The following TMEM200A variants were observed in gnomAD, a reference collection of about 807,000 sequenced individuals.
TMEM200A encodes the protein transmembrane protein 200A.
TMEM200A carries 12 observed loss-of-function variants against 24.3 expected under a neutral mutation model. The ratio of observed to expected loss-of-function variants is 0.49; its 90% CI spans 0.32 to 0.80. The LOEUF is 0.80. TMEM200A is among the 30% of genes least tolerant of loss of function. The pLI, the probability that TMEM200A is intolerant of heterozygous loss-of-function variation, is 0.04. For synonymous variants in TMEM200A, 224 were observed against 224.4 expected (o/e 1.00, Z 0.02); for missense variants, 545 against 614.4 (o/e 0.89, Z 1.19).
rs114711616 is a variant in TMEM200A, at chr6:130,402,950, A to G, written c.-17+17714A>G. Among the ~76,000 whole-genome samples the G allele has an allele frequency of 3.8e-3, 581 of 152,104 alleles. 4 individuals carry two copies. Among genetic ancestry groups the G allele is most frequent in the African/African-American group, 0.014 (569 of 41,548 alleles). The stretch of plus-strand genomic sequence containing the variant: ...GAGTCCATCTCCATCTCTTTTCTTT[A>G]TGCCCCCATATCACTTTTAACTGCA... On this transcript the variant is annotated intron_variant, in intron 2 of 2. Transcript: ENST00000296978.
chr6:130,395,222 T>C (rs1009196096), intron 2 of TMEM200A, among the ~76,000 whole-genome samples: 1 of 152,100 alleles, frequency 6.6e-6, no homozygotes, highest in Non-Finnish European at 1.5e-5. Context: ...GCCATACTGG[T>C]TGGATTGCTT....
intron 1 of TMEM200A, among the ~76,000 whole-genome samples, chr6:130,367,737 A>G (rs757091956): frequency 6.6e-6 from 1 of 152,256 alleles, no homozygotes; most frequent in Non-Finnish European, 1.5e-5. Flanking sequence ...TAATGCTTCC[A>G]TTAAGTGGAA....
chr6:130,443,014 G>C lies in TMEM200A; in HGVS notation c.*1116G>C, dbSNP rs1304190611. 2 of 166,754 alleles carry C rather than the reference G, an allele frequency of 1.2e-5. No individual in the cohort carries two copies. Among genetic ancestry groups the C allele is most frequent in the African/African-American group, 4.8e-5 (2 of 41,376 alleles). The allele number at this position is 166,754 out of a possible 1,614,324, so 10.3% of individuals were successfully genotyped here. On this transcript the variant is annotated 3_prime_UTR_variant, in exon 3 of 3. Coordinates refer to ENST00000296978, the MANE Select transcript of TMEM200A (RefSeq NM_001258277.2). ...TATAATACATGTTGTTTAGGATTGTGTTTCTTAGTCACTGAAGATAATAAA... is the reference window on the plus strand; with the variant it reads ...TATAATACATGTTGTTTAGGATTGTCTTTCTTAGTCACTGAAGATAATAAA...
chr6:130,440,417 C>A lies in TMEM200A; in HGVS notation c.-6C>A. On this transcript the variant is annotated 5_prime_UTR_variant, in exon 3 of 3. Coordinates refer to ENST00000296978, the MANE Select transcript of TMEM200A (RefSeq NM_001258277.2). Reference sequence around the variant, plus strand: ...TTTTTTCTTCTTCAGAGTAAAAGGCCAAGCTATGATAGCAACTGGTGGAGT... The same window carrying A: ...TTTTTTCTTCTTCAGAGTAAAAGGCAAAGCTATGATAGCAACTGGTGGAGT... 2 of 1,538,534 alleles carry A rather than the reference C, an allele frequency of 1.3e-6. No individual in the cohort carries two copies. Among genetic ancestry groups the A allele is most frequent in the South Asian group, 1.3e-5 (1 of 78,660 alleles).
At position 130,441,585 on chromosome 6, in the gene TMEM200A, T is replaced by C; in HGVS notation, c.1163T>C (p.Leu388Ser). The change falls in exon 3 of 3, where the codon TTG becomes TCG. Residue 388 changes from leucine to serine, a missense_variant. Leu to Ser is a moderately radical substitution (Grantham distance 145). Coordinates refer to ENST00000296978, the MANE Select transcript of TMEM200A (RefSeq NM_001258277.2). ...ARRQFGSNTS[L>S]HLLSSHSKSL... Reference sequence around the variant, plus strand: ...AGACAGTTTGGGTCCAATACATCCTTGCATTTGCTCTCGTCACACTCAAAG... The same window carrying C: ...AGACAGTTTGGGTCCAATACATCCTCGCATTTGCTCTCGTCACACTCAAAG... 1 of 1,614,054 alleles carries C rather than the reference T, an allele frequency of 6.2e-7. No individual in the cohort carries two copies. The highest frequency in any genetic ancestry group is 8.5e-7 in the Non-Finnish European group (1 of 1,179,998).
intron 1 of TMEM200A, among the ~76,000 whole-genome samples, chr6:130,368,726 T>C (rs545364427): frequency 6.6e-6 from 1 of 152,230 alleles, no homozygotes; most frequent in Non-Finnish European, 1.5e-5. Context: ...GTACCACAGA[T>C]CACCTGGCAG....
At chr6:130,438,657 T>C (rs1780079242) in intron 2 of TMEM200A, 1 of 152,242 alleles carries the variant, frequency 6.6e-6, no homozygotes, top group Admixed American at 6.5e-5. Flanking sequence ...AATTTGTCCC[T>C]CATTCAGCAT....
Position 130,433,624 on chromosome 6 carries a change from A to G in TMEM200A, c.-16-6783A>G, listed in dbSNP as rs986377725. Among the ~76,000 whole-genome samples, 21 of 152,326 alleles carry G rather than the reference A, an allele frequency of 1.4e-4. 1 individual carries two copies. Among genetic ancestry groups the G allele is most frequent in the South Asian group, 4.1e-4 (2 of 4,832 alleles). On this transcript the variant is annotated intron_variant, in intron 2 of 2. Coordinates refer to ENST00000296978, the MANE Select transcript of TMEM200A (RefSeq NM_001258277.2). ...TCTAGCTTGAACAGAAAATATTTCC[A>G]TCTGTCACATTTGTGGATACCACAT...
intron 2 of TMEM200A, among the ~76,000 whole-genome samples, chr6:130,393,031 T>C (rs1007896312): frequency 6.6e-6 from 1 of 152,250 alleles, no homozygotes; most frequent in African/African-American, 2.4e-5. Context: ...AGTATAGACT[T>C]ACAAAATCAT....
chr6:130,385,494 G>A (rs752786653), intron 2 of TMEM200A, among the ~76,000 whole-genome samples: 2 of 152,146 alleles, frequency 1.3e-5, no homozygotes, highest in Non-Finnish European at 1.5e-5. Context: ...AACACTCACT[G>A]TAAAAATAAT....
Position 130,441,958 on chromosome 6 carries a change from T to G in TMEM200A, c.*60T>G. 1 of 1,462,644 alleles carries G rather than the reference T, an allele frequency of 6.8e-7. No homozygotes were observed. The highest frequency in any genetic ancestry group is 9.2e-7 in the Non-Finnish European group (1 of 1,088,856). 90.6% of individuals were successfully genotyped at this position (1,462,644 alleles called of 1,614,324 possible). A position where few individuals can be genotyped will look rare whatever the true frequency, so the allele number is the denominator to read the frequency against. ...ATTTTAAAACGATTTTCACTGGTGTTTCCTTCTTAAAGTATTGGCTGTAAG... is the reference window on the plus strand; with the variant it reads ...ATTTTAAAACGATTTTCACTGGTGTGTCCTTCTTAAAGTATTGGCTGTAAG... On this transcript the variant is annotated 3_prime_UTR_variant, in exon 3 of 3. Transcript: ENST00000296978.
In TMEM200A at chr6:130,366,735, C is replaced by G. The variant is rs572612289; in HGVS notation, c.-81+211C>G. 1.3e-5 allele frequency among the ~76,000 whole-genome samples: 2 copies of G among 152,336 alleles called. No individual in the cohort carries two copies. The highest frequency in any genetic ancestry group is 3.9e-4 in the East Asian group (2 of 5,188). ...CCAGTCCCGGGAGCGCGAGAGAAGC[C>G]GTGCGGGGCAGCCTCCAAGAACCCG... On this transcript the variant is annotated intron_variant, in intron 1 of 2. Coordinates refer to ENST00000296978, the MANE Select transcript of TMEM200A (RefSeq NM_001258277.2). The surrounding 1 kb of genome is among the most constrained non-coding windows in gnomAD (Gnocchi z 4.4).
intron 1 of TMEM200A, among the ~76,000 whole-genome samples, chr6:130,373,291 A>C (rs537779892): frequency 6.6e-6 from 1 of 152,218 alleles, no homozygotes; most frequent in African/African-American, 2.4e-5. Context: ...TTCTAATCAT[A>C]AAGGCGATAC....
intron 2 of TMEM200A, among the ~76,000 whole-genome samples, chr6:130,402,171 T>A (rs1779104908): frequency 6.6e-6 from 1 of 151,702 alleles, no homozygotes; most frequent in Admixed American, 6.6e-5. Context: ...AATATCACAA[T>A]TTGCCATAAG....
At chr6:130,428,874 A>G (rs1384043768) in intron 2 of TMEM200A, among the ~76,000 whole-genome samples, 1 of 152,346 alleles carries the variant, frequency 6.6e-6, no homozygotes, top group East Asian at 1.9e-4. Context: ...ATCAATGCAC[A>G]AAAATCAGTA....
chr6:130,366,189 C>A lies in TMEM200A; in HGVS notation c.-416C>A. On this transcript the variant is annotated 5_prime_UTR_variant, in exon 1 of 3. Transcript: ENST00000296978. The surrounding 1 kb of genome is among the most constrained non-coding windows in gnomAD (Gnocchi z 4.4). ...GACTCTGCGCCCGGATGGCGGCGGCCCTCTGTGAGCACCGGCAGCGGCGCA... is the reference window on the plus strand; with the variant it reads ...GACTCTGCGCCCGGATGGCGGCGGCACTCTGTGAGCACCGGCAGCGGCGCA... 1.0e-6 allele frequency: 1 copy of A among 985,250 alleles called. No homozygotes were observed. The highest frequency in any genetic ancestry group is 1.2e-6 in the Non-Finnish European group (1 of 829,804). 61.0% of individuals were successfully genotyped at this position (985,250 alleles called of 1,614,324 possible).
At chr6:130,435,735 C>T (rs1162570045) in intron 2 of TMEM200A, among the ~76,000 whole-genome samples, 4 of 152,124 alleles carry the variant, frequency 2.6e-5, no homozygotes, top group Admixed American at 6.5e-5. Context: ...ATTTTGTTCC[C>T]AAGTTAACAA....
At chr6:130,373,001 GCT>G (rs2115069599) in intron 1 of TMEM200A, among the ~76,000 whole-genome samples, 1 of 152,296 alleles carries the variant, frequency 6.6e-6, no homozygotes, top group East Asian at 1.9e-4. Flanking sequence ...ATAGGAGTAG[GCT>G]CTTTCTTGTA....
At chr6:130,380,183 T>C (rs1462722087) in intron 1 of TMEM200A, among the ~76,000 whole-genome samples, 3 of 152,228 alleles carry the variant, frequency 2.0e-5, no homozygotes, top group Non-Finnish European at 4.4e-5. Context: ...TTGTTGATAC[T>C]GTCAGAACAG....
Sources: allele counts gnomAD v4.1 joint callset (sites outside exome capture counted in the v4.1 genomes callset), GRCh38; gene constraint gnomAD v4.1.1; non-coding constraint Gnocchi (gnomAD v3.1); transcripts MANE v1.5; gene names NCBI Gene and HGNC (gene_info 2026-07-23, HGNC 2026-07-21).